Variants in RAB26 observed in about 807,000 individuals in gnomAD.
RAB26 encodes RAB26, member RAS oncogene family.
In RAB26, 39 loss-of-function variants were observed where a neutral mutation model predicts 33.1. That is an observed-to-expected ratio of 1.18 (90% CI 0.91 to 1.54). The LOEUF is 1.54. Ranked by LOEUF, RAB26 falls within the 40% of genes most tolerant of loss-of-function variation. The pLI is 0.00. For missense variants in RAB26, 468 were observed against 362.9 expected, an observed-to-expected ratio of 1.29 and a Z score of -2.35; for synonymous variants, 192 against 151.9, an observed-to-expected ratio of 1.26 and a Z score of -1.94.
Position 2,153,694 on chromosome 16 carries a change from C to G in RAB26, c.*273C>G, listed in dbSNP as rs1175710924. On this transcript the variant is annotated 3_prime_UTR_variant, in exon 9 of 9. Coordinates refer to ENST00000210187, the MANE Select transcript of RAB26 (RefSeq NM_014353.5). ...AGTGGACAGACTTTGCCACGGTGCT[C>G]TGCTGCCCCCTCCTGGGCACGTCCA... is the stretch of plus-strand genomic sequence containing the variant. 3.2e-6 allele frequency: 2 copies of G among 616,728 alleles called. No individual in the cohort carries two copies. Among genetic ancestry groups the G allele is most frequent in the Non-Finnish European group, 6.0e-6 (2 of 331,182 alleles). 38.2% of individuals were successfully genotyped at this position (616,728 alleles called of 1,614,324 possible). A position where few individuals can be genotyped will look rare whatever the true frequency, so the allele number is the denominator to read the frequency against.
chr16:2,149,928 C>T lies in RAB26; in HGVS notation c.196-13C>T. 1 of 1,514,570 alleles carries T rather than the reference C, an allele frequency of 6.6e-7. No individual in the cohort carries two copies. Among genetic ancestry groups the T allele is most frequent in the Non-Finnish European group, 8.9e-7 (1 of 1,128,856 alleles). 93.8% of individuals were successfully genotyped at this position (1,514,570 alleles called of 1,614,324 possible). On this transcript the variant is annotated splice_polypyrimidine_tract_variant and intron_variant, in intron 1 of 8. Transcript: ENST00000210187. Reference sequence around the variant, plus strand: ...GCAGACCAGACTCCCCCCAACCCTCCTGCTTGTCCTAGGTCATGCTGGTGG... The same window carrying T: ...GCAGACCAGACTCCCCCCAACCCTCTTGCTTGTCCTAGGTCATGCTGGTGG...
At position 2,149,757 on chromosome 16, in the gene RAB26, G is replaced by A. The variant is rs578019891; in HGVS notation, c.196-184G>A. Among the ~76,000 whole-genome samples the A allele has an allele frequency of 1.8e-4, 27 of 152,324 alleles. No homozygotes were observed. In the South Asian group the frequency reaches 1.9e-3, roughly 11 times the overall value. On this transcript the variant is annotated intron_variant, in intron 1 of 8. Coordinates refer to ENST00000210187, the MANE Select transcript of RAB26 (RefSeq NM_014353.5). ...TGACTGAGACGGCCACTGTGCAGAA[G>A]GACAGAGCAGCCCCAGCCTTTCAGA...
intron 2 of RAB26, among the ~76,000 whole-genome samples, chr16:2,150,919 CT>C (rs1403649466): frequency 6.6e-6 from 1 of 151,918 alleles, no homozygotes; most frequent in Non-Finnish European, 1.5e-5. Flanking sequence ...GGGCCTCAGA[CT>C]GCGGCTGAAG....
chr16:2,152,895 C>A lies in RAB26; in HGVS notation c.534+10C>A, dbSNP rs762506058. ...GCTGCTGGGGAACAAGGTGGGAGGC[C>A]CGGCTGTCCTCACCTGGGCCACAGG... On this transcript the variant is annotated intron_variant, in intron 6 of 8. Transcript: ENST00000210187. 6.2e-7 allele frequency: 1 copy of A among 1,601,706 alleles called. No homozygotes were observed. Among genetic ancestry groups the A allele is most frequent in the South Asian group, 1.1e-5 (1 of 89,972 alleles).
intron 1 of RAB26, among the ~76,000 whole-genome samples, chr16:2,149,525 C>A (rs1295503126): frequency 6.6e-6 from 1 of 152,088 alleles, no homozygotes; most frequent in Non-Finnish European, 1.5e-5. Context: ...AGATCGAGAT[C>A]TGATCCTAAT....
At chr16:2,151,325 C>T (rs2093004261) in intron 2 of RAB26, 1 of 619,624 alleles carries the variant, frequency 1.6e-6, no homozygotes, top group Non-Finnish European at 2.9e-6. Flanking sequence ...AGTAAGAGGC[C>T]TGGTGGGGTC....
At position 2,150,045 on chromosome 16, in the gene RAB26, C is replaced by T; in HGVS notation, c.300C>T (p.Asp100=). The change falls in exon 2 of 9, where the codon GAC becomes GAT. Residue 100 remains aspartate, a synonymous_variant. Coordinates refer to ENST00000210187, the MANE Select transcript of RAB26 (RefSeq NM_014353.5). ...AGTFISTVGI[D]FRNKVLDVDG... Reference sequence around the variant, plus strand: ...CCTTCATCTCCACCGTAGGCATTGACTTCCGGGTGAGTGGAGGCCCTGGCC... The same window carrying T: ...CCTTCATCTCCACCGTAGGCATTGATTTCCGGGTGAGTGGAGGCCCTGGCC... The T allele has an allele frequency of 1.3e-6, 2 of 1,542,064 alleles. No individual in the cohort carries two copies. The highest frequency in any genetic ancestry group is 8.8e-7 in the Non-Finnish European group (1 of 1,142,714).
chr16:2,148,911 A>G lies in RAB26; in HGVS notation c.128A>G (p.Asn43Ser). ...CTTTCCGGCCCCGACGCGCCGCCCAACGGGCCCTTGCAGCCCGGCCGGCCC... is the reference window on the plus strand; with the variant it reads ...CTTTCCGGCCCCGACGCGCCGCCCAGCGGGCCCTTGCAGCCCGGCCGGCCC... ...TALSGPDAPP[N>S]GPLQPGRPSL... Residue 43 changes from asparagine to serine, a missense_variant, in exon 1 of 9, where the codon AAC becomes AGC. Transcript: ENST00000210187. 5 of 1,322,806 alleles carry G rather than the reference A, an allele frequency of 3.8e-6. No individual in the cohort carries two copies. Among genetic ancestry groups the G allele is most frequent in the Middle Eastern group, 2.6e-4 (1 of 3,880 alleles). The allele number at this position is 1,322,806 out of a possible 1,614,324, so 81.9% of individuals were successfully genotyped here. A position where few individuals can be genotyped will look rare whatever the true frequency, so the allele number is the denominator to read the frequency against.
At chr16:2,151,653 C>A (rs1351619854) in intron 3 of RAB26, 42 bp from the exon 4 acceptor site, 2 of 1,614,018 alleles carry the variant, frequency 1.2e-6, no homozygotes, top group Admixed American at 3.3e-5. Flanking sequence ...CAGGGGACAC[C>A]AGGGAAGGGC....
At chr16:2,151,084 TGACAATCCCAGCA>T (rs752001281) in intron 2 of RAB26, 13 of 395,552 alleles carry the variant, frequency 3.3e-5, no homozygotes, top group South Asian at 2.4e-4. Context: ...GGCCCAGCCC[TGACAATCCCAGCA>T]AGGAGTGGCT....
At position 2,152,901 on chromosome 16, in the gene RAB26, G is replaced by C. The variant is rs754187001; in HGVS notation, c.534+16G>C. On this transcript the variant is annotated intron_variant, in intron 6 of 8. Coordinates refer to ENST00000210187, the MANE Select transcript of RAB26 (RefSeq NM_014353.5). The stretch of plus-strand genomic sequence containing the variant: ...GGGGAACAAGGTGGGAGGCCCGGCT[G>C]TCCTCACCTGGGCCACAGGGCAGGG... 1.9e-6 allele frequency: 3 copies of C among 1,600,362 alleles called. No individual in the cohort carries two copies. The Admixed American group carries it at 5.2e-5, about 28-fold the overall frequency.
At position 2,153,195 on chromosome 16, in the gene RAB26, T is replaced by C; in HGVS notation, c.641T>C (p.Val214Ala). ...ACCAGCGCCAAGACGGGCCTCAACG[T>C]GGACTTGGCCTTCACAGCCATAGCA... ...METSAKTGLN[V>A]DLAFTAIAKE... The change falls in exon 8 of 9, where the codon GTG becomes GCG. Residue 214 changes from valine to alanine, a missense_variant. By Grantham distance (64) the Val-to-Ala change is moderately conservative (BLOSUM62 0). Transcript: ENST00000210187. 1 of 1,613,796 alleles carries C rather than the reference T, an allele frequency of 6.2e-7. No individual in the cohort carries two copies.
At chr16:2,149,818 G>A (rs979009787) in intron 1 of RAB26, 123 bp from the exon 2 acceptor site, 3 of 667,268 alleles carry the variant, frequency 4.5e-6, no homozygotes, top group African/African-American at 3.8e-5. Context: ...CGGGGTCCCT[G>A]GCCCCGCTGA....
At position 2,153,660 on chromosome 16, in the gene RAB26, G is replaced by A; in HGVS notation, c.*239G>A. 1.5e-6 allele frequency: 1 copy of A among 658,660 alleles called. No homozygotes were observed. Among genetic ancestry groups the A allele is most frequent in the Non-Finnish European group, 2.8e-6 (1 of 357,812 alleles). The allele number at this position is 658,660 out of a possible 1,614,324, so 40.8% of individuals were successfully genotyped here. ...AAAAGCAGTCTTCTGCACGGGACGGGGAGCGGCAAGTGGACAGACTTTGCC... is the reference window on the plus strand; with the variant it reads ...AAAAGCAGTCTTCTGCACGGGACGGAGAGCGGCAAGTGGACAGACTTTGCC... On this transcript the variant is annotated 3_prime_UTR_variant, in exon 9 of 9. Transcript: ENST00000210187.
chr16:2,152,472 C>T (rs1006466407), intron 5 of RAB26, among the ~76,000 whole-genome samples: 6 of 152,056 alleles, frequency 3.9e-5, no homozygotes, highest in African/African-American at 1.2e-4. Context: ...GAGTTGGAGA[C>T]CAGCCTGATC....
intron 1 of RAB26, among the ~76,000 whole-genome samples, chr16:2,149,332 G>A (rs2092996926): frequency 6.7e-6 from 1 of 149,618 alleles, no homozygotes; most frequent in Admixed American, 6.6e-5. Context: ...TTTTGCTGGG[G>A]GGAAGAGGTT....
chr16:2,148,632 C>A lies in RAB26; in HGVS notation c.-152C>A. 2.4e-6 allele frequency: 1 copy of A among 422,744 alleles called. No individual in the cohort carries two copies. The highest frequency in any genetic ancestry group is 3.1e-6 in the Non-Finnish European group (1 of 323,334). The allele number at this position is 422,744 out of a possible 1,614,324, so 26.2% of individuals were successfully genotyped here. On this transcript the variant is annotated 5_prime_UTR_variant, in exon 1 of 9. Transcript: ENST00000210187. Reference sequence around the variant, plus strand: ...TGGAGCGGCGGGGGCGGGGCGCGAGCCGGGCGCCCGGGATGATGCCGCCGC... The same window carrying A: ...TGGAGCGGCGGGGGCGGGGCGCGAGACGGGCGCCCGGGATGATGCCGCCGC...
intron 5 of RAB26, among the ~76,000 whole-genome samples, chr16:2,152,552 T>C (rs541839538): frequency 6.6e-6 from 1 of 151,760 alleles, no homozygotes; most frequent in East Asian, 1.9e-4. Flanking sequence ...GTAACTGTAA[T>C]CCCAGTCACT....
At chr16:2,149,126 T>C in intron 1 of RAB26, 148 bp downstream of exon 1, 8 of 780,146 alleles carry the variant, frequency 1.0e-5, no homozygotes, top group African/African-American at 1.8e-5. Flanking sequence ...GCACGGTGCA[T>C]CGTGCACACA....
Sources: gnomAD v4.1 joint callset for allele counts (sites outside exome capture counted in the v4.1 genomes callset) on GRCh38, gnomAD v4.1.1 for gene constraint, MANE v1.5 for transcripts, NCBI Gene and HGNC (gene_info 2026-07-23, HGNC 2026-07-21) for gene names.